Variants in DENND2C observed in about 807,000 individuals in gnomAD.
DENND2C encodes the protein DENN domain-containing protein 2C.
Under a neutral mutation model 112.4 loss-of-function variants are expected in DENND2C, and 72 were observed. The observed-to-expected ratio is 0.64, with a 90% CI of 0.53 to 0.78. The LOEUF is 0.78. Among genes scored for constraint, DENND2C ranks in the 30% least tolerant of loss-of-function variants. The pLI is 0.00. For synonymous variants in DENND2C, 329 were observed against 381.6 expected (o/e 0.86, Z 1.61); for missense variants, 992 against 1,113.8 (o/e 0.89, Z 1.56).
chr1:114,607,680 T>A (rs1367234659), intron 10 of DENND2C, among the ~76,000 whole-genome samples: 2 of 152,150 alleles, frequency 1.3e-5, no homozygotes, highest in Non-Finnish European at 2.9e-5. Context: ...TAGGTATTTT[T>A]AAAATATTTG....
At chr1:114,659,282 C>A (rs1348216758) in intron 1 of DENND2C, among the ~76,000 whole-genome samples, 1 of 152,102 alleles carries the variant, frequency 6.6e-6, no homozygotes, top group East Asian at 1.9e-4. Context: ...GGGTGGATCA[C>A]TTGCGGTCAG....
intron 10 of DENND2C, 97 bp downstream of exon 10, chr1:114,608,589 A>C (rs756056318): frequency 5.6e-5 from 77 of 1,378,418 alleles, no homozygotes; most frequent in Non-Finnish European, 6.2e-5. Flanking sequence ...GTATTGGTAA[A>C]AACTTGTTGA....
At chr1:114,635,960 C>G (rs1175119206) in intron 3 of DENND2C, among the ~76,000 whole-genome samples, 3 of 151,722 alleles carry the variant, frequency 2.0e-5, no homozygotes, top group Non-Finnish European at 4.4e-5. Context: ...GAGCCAAGAT[C>G]ACGCCTCTGC....
chr1:114,646,317 C>A (rs897329068), intron 2 of DENND2C, among the ~76,000 whole-genome samples: 6 of 152,144 alleles, frequency 3.9e-5, no homozygotes, highest in Non-Finnish European at 8.8e-5. Context: ...CTTGTCATTA[C>A]AGAAAATCAA....
At chr1:114,642,909 C>T (rs1656882590) in intron 3 of DENND2C, among the ~76,000 whole-genome samples, 1 of 152,130 alleles carries the variant, frequency 6.6e-6, no homozygotes, top group Non-Finnish European at 1.5e-5. Flanking sequence ...AAAGTTTTTC[C>T]GTGAAAGCTT....
chr1:114,585,331 A>G lies in DENND2C; in HGVS notation c.*269T>C, dbSNP rs1207019258. On this transcript the variant is annotated 3_prime_UTR_variant, in exon 21 of 21. Coordinates refer to ENST00000393274, the MANE Select transcript of DENND2C (RefSeq NM_001256404.2). Reference sequence around the variant, plus strand: ...CTTTCACAGACAAAGCACAAAACAGAGAATGAGCCCAAGAATCACATAGAA... The same window carrying G: ...CTTTCACAGACAAAGCACAAAACAGGGAATGAGCCCAAGAATCACATAGAA... The G allele has an allele frequency of 4.9e-6, 2 of 404,706 alleles. No individual in the cohort carries two copies. The highest frequency in any genetic ancestry group is 9.0e-6 in the Non-Finnish European group (2 of 223,320). 25.1% of individuals were successfully genotyped at this position (404,706 alleles called of 1,614,324 possible). A position where few individuals can be genotyped will look rare whatever the true frequency, so the allele number is the denominator to read the frequency against.
chr1:114,620,509 G>A (rs1656135606), intron 7 of DENND2C, among the ~76,000 whole-genome samples: 1 of 152,036 alleles, frequency 6.6e-6, no homozygotes, highest in Non-Finnish European at 1.5e-5. Context: ...ATTTGTTAAT[G>A]CCATTATAAG....
At chr1:114,641,074 A>G (rs1656823387) in intron 3 of DENND2C, among the ~76,000 whole-genome samples, 1 of 152,024 alleles carries the variant, frequency 6.6e-6, no homozygotes, top group Non-Finnish European at 1.5e-5. Context: ...TCTGTTTTTT[A>G]GAGAGCAGGA....
chr1:114,631,313 T>C (rs1319123136), intron 3 of DENND2C, among the ~76,000 whole-genome samples: 2 of 149,826 alleles, frequency 1.3e-5, no homozygotes, highest in Non-Finnish European at 3.0e-5. Context: ...GAGGAGGAGG[T>C]TGCAGTCAGT....
At chr1:114,646,870 A>T (rs1657002722) in intron 2 of DENND2C, among the ~76,000 whole-genome samples, 3 of 152,102 alleles carry the variant, frequency 2.0e-5, no homozygotes, top group Admixed American at 2.0e-4. Context: ...GTAAACAGAG[A>T]ATATTTAGGG....
chr1:114,663,857 C>T (rs923223825), intron 1 of DENND2C, among the ~76,000 whole-genome samples: 8 of 151,988 alleles, frequency 5.3e-5, no homozygotes, highest in African/African-American at 1.5e-4. Context: ...TGACAGAGAC[C>T]GTATGGCACA....
chr1:114,643,939 C>T (rs772586206), intron 3 of DENND2C, among the ~76,000 whole-genome samples: 4 of 152,086 alleles, frequency 2.6e-5, no homozygotes, highest in Non-Finnish European at 5.9e-5. Context: ...TGGTTATCCG[C>T]ACTATTCATA....
At chr1:114,647,759 T>C (rs1054709827) in intron 2 of DENND2C, among the ~76,000 whole-genome samples, 4 of 152,044 alleles carry the variant, frequency 2.6e-5, no homozygotes, top group African/African-American at 9.7e-5. Flanking sequence ...ACTTATTAAG[T>C]GTTTACATTT....
At position 114,584,969 on chromosome 1, in the gene DENND2C, G is replaced by C. The variant is rs1655002545; in HGVS notation, c.*631C>G. On this transcript the variant is annotated 3_prime_UTR_variant, in exon 21 of 21. Coordinates refer to ENST00000393274, the MANE Select transcript of DENND2C (RefSeq NM_001256404.2). ...CTCAAATGCCACATAATTTGGAGGA[G>C]GAGTTGCAAGATGTCTAATTTTATA... is the stretch of plus-strand genomic sequence containing the variant. The C allele has an allele frequency of 6.6e-6, 1 of 152,110 alleles. No homozygotes were observed. Among genetic ancestry groups the C allele is most frequent in the Non-Finnish European group, 1.5e-5 (1 of 68,018 alleles). The allele number at this position is 152,110 out of a possible 1,614,324, so 9.4% of individuals were successfully genotyped here.
At chr1:114,587,227 T>C in intron 20 of DENND2C, 160 bp downstream of exon 20, 1 of 735,848 alleles carries the variant, frequency 1.4e-6, no homozygotes, top group East Asian at 2.5e-5. Flanking sequence ...TAAAATTTTG[T>C]GTAGGGATGG....
chr1:114,645,458 C>G lies in DENND2C; in HGVS notation c.-215G>C, dbSNP rs1656954565. The G allele has an allele frequency of 6.6e-6, 1 of 152,152 alleles. No individual in the cohort carries two copies. Among genetic ancestry groups the G allele is most frequent in the South Asian group, 2.1e-4 (1 of 4,834 alleles). 9.4% of individuals were successfully genotyped at this position (152,152 alleles called of 1,614,324 possible). A position where few individuals can be genotyped will look rare whatever the true frequency, so the allele number is the denominator to read the frequency against. On this transcript the variant is annotated 5_prime_UTR_variant, in exon 3 of 21. Transcript: ENST00000393274. Reference sequence around the variant, plus strand: ...TCACAAGAAACTTACCCTGTTGGCACCTTGATGTTAGATTTCTACAGCCTC... The same window carrying G: ...TCACAAGAAACTTACCCTGTTGGCAGCTTGATGTTAGATTTCTACAGCCTC...
intron 3 of DENND2C, among the ~76,000 whole-genome samples, chr1:114,634,645 T>C (rs1009723700): frequency 4.6e-5 from 7 of 152,118 alleles, no homozygotes; most frequent in Non-Finnish European, 7.3e-5. Flanking sequence ...CAAAAAGATA[T>C]CTGGAAAATC....
chr1:114,617,967 G>A (rs1656021808), intron 8 of DENND2C, among the ~76,000 whole-genome samples: 1 of 150,536 alleles, frequency 6.6e-6, no homozygotes, highest in Admixed American at 6.7e-5. Context: ...ATGCTTAAGT[G>A]GGATAACAGG....
Position 114,631,854 on chromosome 1 carries a change from T to A in DENND2C, c.-204-5666A>T, listed in dbSNP as rs555034017. On this transcript the variant is annotated intron_variant, in intron 3 of 20. Transcript: ENST00000393274. ...AATCGAACCAAAACAACAGACATGA[T>A]GGAATTGGCAGACAGGGACTTCAAT... 2.6e-5 allele frequency among the ~76,000 whole-genome samples: 4 copies of A among 152,274 alleles called. No individual in the cohort carries two copies. The East Asian group carries it at 7.7e-4, about 29-fold the overall frequency.
Sources: gnomAD v4.1 joint callset for allele counts (sites outside exome capture counted in the v4.1 genomes callset) on GRCh38, gnomAD v4.1.1 for gene constraint, MANE v1.5 for transcripts, NCBI Gene and HGNC (gene_info 2026-07-23, HGNC 2026-07-21) for gene names.